THSD7A: variants seen among roughly 807,000 people sequenced by gnomAD.
THSD7A encodes thrombospondin type-1 domain-containing protein 7A.
Under a neutral mutation model 231.3 loss-of-function variants are expected in THSD7A, and 96 were observed. That is an observed-to-expected ratio of 0.41 (90% CI 0.35 to 0.49). THSD7A has a LOEUF of 0.49. Ranked by LOEUF, THSD7A falls within the 20% of genes least tolerant of loss-of-function variation. The probability of loss-of-function intolerance (pLI) is 0.05; values close to 1 mark genes in which losing one functional copy is unlikely to be tolerated. For missense variants in THSD7A, 2,290 were observed against 2,070.2 expected (o/e 1.11, Z -2.06); for synonymous variants, 940 against 743.3 (o/e 1.26, Z -4.30).
intron 6 of THSD7A, among the ~76,000 whole-genome samples, chr7:11,504,303 C>T (rs1322120514): frequency 1.3e-5 from 2 of 152,042 alleles, no homozygotes; most frequent in African/African-American, 4.8e-5. Context: ...ACACTGGCGT[C>T]CACTTGATGG....
At chr7:11,441,896 G>A (rs1338274230) in intron 13 of THSD7A, among the ~76,000 whole-genome samples, 2 of 151,914 alleles carry the variant, frequency 1.3e-5, no homozygotes, top group African/African-American at 4.8e-5. Context: ...ATAGGTTGAT[G>A]GGTGCAGCAA....
At chr7:11,454,781 G>A (rs1157599029) in intron 11 of THSD7A, among the ~76,000 whole-genome samples, 1 of 151,924 alleles carries the variant, frequency 6.6e-6, no homozygotes, top group African/African-American at 2.4e-5. Flanking sequence ...AAATATTTAT[G>A]AGAGAATGTA....
chr7:11,769,122 A>ATATAT lies in THSD7A; in HGVS notation c.190+62634_190+62635insATATA, dbSNP rs1491347103. Among the ~76,000 whole-genome samples, 141 of 35,884 alleles carry ATATAT rather than the reference A, an allele frequency of 3.9e-3. 26 individuals are homozygous for ATATAT. Among genetic ancestry groups the ATATAT allele is most frequent in the Admixed American group, 4.7e-3 (11 of 2,330 alleles). 23.5% of individuals were successfully genotyped at this position (35,884 alleles called of 152,430 possible). A position where few individuals can be genotyped will look rare whatever the true frequency, so the allele number is the denominator to read the frequency against. On this transcript the variant is annotated intron_variant, in intron 1 of 27. Coordinates refer to ENST00000423059, the MANE Select transcript of THSD7A (RefSeq NM_015204.3). ...ACAGGCACCTGCCATAATTCCTGGCAATATATATATATATATATATATATA... is the reference window on the plus strand; with the variant it reads ...ACAGGCACCTGCCATAATTCCTGGCATATATATATATATATATATATATATATATA...
Position 11,487,226 on chromosome 7 carries a change from T to C in THSD7A, c.1823-5244A>G, listed in dbSNP as rs1024469538. Among the ~76,000 whole-genome samples, 3 of 152,168 alleles carry C rather than the reference T, an allele frequency of 2.0e-5. No individual in the cohort carries two copies. The East Asian group carries it at 5.8e-4, about 29-fold the overall frequency. On this transcript the variant is annotated intron_variant, in intron 6 of 27. Coordinates refer to ENST00000423059, the MANE Select transcript of THSD7A (RefSeq NM_015204.3). ...TTCCTTTTTATTCGACTGTATCTCTTATTATCAGGATAAGAGACTAAAACA... is the reference window on the plus strand; with the variant it reads ...TTCCTTTTTATTCGACTGTATCTCTCATTATCAGGATAAGAGACTAAAACA...
At chr7:11,520,974 T>C (rs1039573569) in intron 6 of THSD7A, among the ~76,000 whole-genome samples, 3 of 152,190 alleles carry the variant, frequency 2.0e-5, no homozygotes, top group Non-Finnish European at 4.4e-5. Flanking sequence ...AAAGGTCTTA[T>C]AGGAAATCAG....
rs1484990787 is a variant in THSD7A at position 11,407,030 on chromosome 7, C to G, written c.3942G>C (p.Val1314=). The part of the protein sequence containing the change: ...LTGKMIRRRT[V]TQPFQGDGRP... ...TTCCATCACCTTGAAAGGGCTGGGT[C>G]ACTGTTCGTCTTCGGATCATTTTTC... The change falls in exon 21 of 28, where the codon GTG becomes GTC. Residue 1314 remains valine, a synonymous_variant. Coordinates refer to ENST00000423059, the MANE Select transcript of THSD7A (RefSeq NM_015204.3). 1 of 1,613,788 alleles carries G rather than the reference C, an allele frequency of 6.2e-7. No individual in the cohort carries two copies. The highest frequency in any genetic ancestry group is 8.5e-7 in the Non-Finnish European group (1 of 1,179,862).
chr7:11,732,108 TATA>T (rs998122432), intron 1 of THSD7A, among the ~76,000 whole-genome samples: 24 of 151,820 alleles, frequency 1.6e-4, no homozygotes, highest in Non-Finnish European at 3.1e-4. Flanking sequence ...ACTGTGTAGA[TATA>T]ATATTAGCTG....
intron 2 of THSD7A, among the ~76,000 whole-genome samples, chr7:11,606,945 T>C (rs1780751518): frequency 6.6e-6 from 1 of 151,926 alleles, no homozygotes; most frequent in African/African-American, 2.4e-5. Flanking sequence ...TTACTGTAAC[T>C]CTTTTGACAT....
intron 6 of THSD7A, chr7:11,519,976 C>G (rs564361720): frequency 4.7e-4 from 72 of 152,120 alleles, no homozygotes; most frequent in African/African-American, 1.7e-3. Context: ...TGCTCCTCTT[C>G]TCTTTGTCTT....
chr7:11,780,340 T>C (rs1314559255), intron 1 of THSD7A, among the ~76,000 whole-genome samples: 3 of 152,168 alleles, frequency 2.0e-5, no homozygotes, highest in Non-Finnish European at 2.9e-5. Flanking sequence ...ATATAACCAA[T>C]AGAATACTGC....
At chr7:11,776,986 C>A (rs1457110655) in intron 1 of THSD7A, among the ~76,000 whole-genome samples, 2 of 152,086 alleles carry the variant, frequency 1.3e-5, no homozygotes, top group African/African-American at 4.8e-5. Flanking sequence ...TACGTTTGTT[C>A]ATTTACTCGT....
intron 2 of THSD7A, among the ~76,000 whole-genome samples, chr7:11,594,358 T>A (rs1780280742): frequency 6.6e-6 from 1 of 151,986 alleles, no homozygotes; most frequent in African/African-American, 2.4e-5. Flanking sequence ...GTACCAGGAG[T>A]GGTTCTACAG....
intron 2 of THSD7A, among the ~76,000 whole-genome samples, chr7:11,602,692 C>T (rs1780592170): frequency 6.6e-6 from 1 of 151,744 alleles, no homozygotes; most frequent in Admixed American, 6.6e-5. Flanking sequence ...GGTCTGATTC[C>T]AGGCTGTTAT....
At chr7:11,796,580 T>G (rs772685866) in intron 1 of THSD7A, among the ~76,000 whole-genome samples, 4 of 150,760 alleles carry the variant, frequency 2.7e-5, no homozygotes, top group Admixed American at 6.6e-5. Flanking sequence ...AAAATGTGTG[T>G]TTTTTTTTCA....
At chr7:11,376,689 C>T (rs1369673583) in intron 26 of THSD7A, 32 bp from the exon 27 acceptor site, 1 of 1,503,338 alleles carries the variant, frequency 6.7e-7, no homozygotes, top group Non-Finnish European at 9.1e-7. Flanking sequence ...TATTAATTTA[C>T]ATTAGTCTGG....
intron 4 of THSD7A, among the ~76,000 whole-genome samples, chr7:11,579,737 A>G (rs1791076603): frequency 6.6e-6 from 1 of 152,172 alleles, no homozygotes; most frequent in Admixed American, 6.5e-5. Flanking sequence ...AATGTAGAAA[A>G]GACTAATATC....
chr7:11,769,899 C>A (rs117511569), intron 1 of THSD7A, among the ~76,000 whole-genome samples: 2 of 152,016 alleles, frequency 1.3e-5, no homozygotes, highest in Admixed American at 6.5e-5. Flanking sequence ...AATTAAATAA[C>A]GTAAATAAGC....
intron 1 of THSD7A, among the ~76,000 whole-genome samples, chr7:11,758,048 C>T (rs949433176): frequency 6.3e-5 from 9 of 143,722 alleles, no homozygotes; most frequent in Admixed American, 3.5e-4. Context: ...TAATGTTTCA[C>T]TTTAATCATC....
intron 6 of THSD7A, among the ~76,000 whole-genome samples, chr7:11,524,294 G>A (rs1049522692): frequency 6.6e-6 from 1 of 152,048 alleles, no homozygotes; most frequent in African/African-American, 2.4e-5. Context: ...GACAATCTTG[G>A]CGCACAACTT....
Sources: gnomAD v4.1 joint callset for allele counts (sites outside exome capture counted in the v4.1 genomes callset) on GRCh38, gnomAD v4.1.1 for gene constraint, MANE v1.5 for transcripts, NCBI Gene and HGNC (gene_info 2026-07-23, HGNC 2026-07-21) for gene names.